The following ZNF862 variants were observed in gnomAD, a reference collection of about 807,000 sequenced individuals.
ZNF862 encodes the protein zinc finger protein 862.
A neutral mutation model predicts 91.1 loss-of-function variants in ZNF862; 64 were observed. The ratio of observed to expected loss-of-function variants is 0.70; its 90% confidence interval spans 0.57 to 0.87. ZNF862 has a LOEUF of 0.87. ZNF862 is among the 40% of genes least tolerant of loss of function. The probability of loss-of-function intolerance (pLI) is 0.00; values close to 1 mark genes in which losing one functional copy is unlikely to be tolerated. For synonymous variants in ZNF862, 631 were observed against 618.1 expected (o/e 1.02, Z -0.31); for missense variants, 1,459 against 1,528.0 (o/e 0.95, Z 0.75).
In ZNF862 at chr7:149,850,472, G is replaced by C; in HGVS notation, c.1117+134G>C. 1.1e-6 allele frequency: 1 copy of C among 908,798 alleles called. No homozygotes were observed. Among genetic ancestry groups the C allele is most frequent in the East Asian group, 2.7e-5 (1 of 37,260 alleles). The allele number at this position is 908,798 out of a possible 1,614,324, so 56.3% of individuals were successfully genotyped here. A position where few individuals can be genotyped will look rare whatever the true frequency, so the allele number is the denominator to read the frequency against. On this transcript the variant is annotated intron_variant, in intron 5 of 7. Transcript: ENST00000223210. The surrounding 1 kb of genome is among the most constrained non-coding windows in gnomAD (Gnocchi z 4.2). ...TAGGCAGAGACCGATCCTGTCTTTT[G>C]CACCTCATAACTCCCCTGCTTGGGG... is the stretch of plus-strand genomic sequence containing the variant.
intron 5 of ZNF862, chr7:149,858,536 C>T (rs926966569): frequency 5.3e-5 from 8 of 152,208 alleles, no homozygotes; most frequent in African/African-American, 1.9e-4. Context: ...CTTTGTCCTT[C>T]ACTTCCTCCC....
Position 149,861,152 on chromosome 7 carries a change from T to G in ZNF862, c.1992T>G (p.Ser664Arg). The change falls in exon 7 of 8, where the codon AGT (serine) becomes AGG (arginine). Residue 664 changes from serine to arginine, a missense_variant. By Grantham distance (110) the Ser-to-Arg change is moderately radical. Coordinates refer to ENST00000223210, the MANE Select transcript of ZNF862 (RefSeq NM_001099220.3). This position sits in a 1 kb window ranked among gnomAD's most constrained non-coding sequence, Gnocchi z 6.7. ...ACATCACTCTGGCCCCTCTCTACAGTGAGACAGCAGATGGGTACTTCGAGA... is the reference window on the plus strand; with the variant it reads ...ACATCACTCTGGCCCCTCTCTACAGGGAGACAGCAGATGGGTACTTCGAGA... ...ESYITLAPLY[S>R]ETADGYFETI... The G allele has an allele frequency of 6.2e-7, 1 of 1,612,998 alleles. No individual in the cohort carries two copies. Among genetic ancestry groups the G allele is most frequent in the Non-Finnish European group, 8.5e-7 (1 of 1,179,848 alleles).
At chr7:149,840,268 T>C (rs1218977427) in intron 1 of ZNF862, among the ~76,000 whole-genome samples, 1 of 151,088 alleles carries the variant, frequency 6.6e-6, no homozygotes, top group Non-Finnish European at 1.5e-5. Flanking sequence ...AAAAATACTT[T>C]TTGTTGATGG....
At position 149,864,488 on chromosome 7, in the gene ZNF862, TCA is replaced by T. The variant is rs1229107637; in HGVS notation, c.*207_*208del. ...AGGCCCCACTCAGCACAGCCATGCCTCACAGCACACAAATGTGCCAGAAGGTT... is the reference window on the plus strand; with the variant it reads ...AGGCCCCACTCAGCACAGCCATGCCTCAGCACACAAATGTGCCAGAAGGTT... On this transcript the variant is annotated 3_prime_UTR_variant, in exon 8 of 8. Coordinates refer to ENST00000223210, the MANE Select transcript of ZNF862 (RefSeq NM_001099220.3). The T allele has an allele frequency of 1.8e-6, 1 of 566,426 alleles. No homozygotes were observed. Among genetic ancestry groups the T allele is most frequent in the Non-Finnish European group, 3.1e-6 (1 of 319,928 alleles). The allele number at this position is 566,426 out of a possible 1,614,324, so 35.1% of individuals were successfully genotyped here.
rs969831181 is a variant in ZNF862 at position 149,850,984 on chromosome 7, G to A, written c.1117+646G>A. 2 of 152,448 alleles carry A rather than the reference G, an allele frequency of 1.3e-5. No homozygotes were observed. The highest frequency in any genetic ancestry group is 4.8e-5 in the African/African-American group (2 of 41,464). The allele number at this position is 152,448 out of a possible 1,614,324, so 9.4% of individuals were successfully genotyped here. A position where few individuals can be genotyped will look rare whatever the true frequency, so the allele number is the denominator to read the frequency against. On this transcript the variant is annotated intron_variant, in intron 5 of 7. Transcript: ENST00000223210. The surrounding 1 kb of genome is among the most constrained non-coding windows in gnomAD (Gnocchi z 4.2). Reference sequence around the variant, plus strand: ...TTTGGACCTTGGCAGATTAGGAAGAGGGCAGTGCTTCTTGCTCCTCAGGAT... The same window carrying A: ...TTTGGACCTTGGCAGATTAGGAAGAAGGCAGTGCTTCTTGCTCCTCAGGAT...
At chr7:149,840,826 G>T (rs188440445) in intron 1 of ZNF862, 11 of 506,560 alleles carry the variant, frequency 2.2e-5, no homozygotes, top group African/African-American at 1.9e-4. Context: ...ATGTAGTTTT[G>T]TATAAGTACA....
At chr7:149,853,931 C>G (rs1397614402) in intron 5 of ZNF862, among the ~76,000 whole-genome samples, 1 of 143,052 alleles carries the variant, frequency 7.0e-6, no homozygotes, top group Non-Finnish European at 1.5e-5. Context: ...GAGCCAGACT[C>G]CATCTCAAAA....
At chr7:149,854,227 A>G in intron 5 of ZNF862, among the ~76,000 whole-genome samples, 1 of 152,096 alleles carries the variant, frequency 6.6e-6, no homozygotes, top group East Asian at 1.9e-4. Flanking sequence ...CACTCAAATA[A>G]CATGAAATCT....
rs1802220040 is a variant in ZNF862, at chr7:149,855,279, G to T, written c.1118-4143G>T. 1.3e-5 allele frequency among the ~76,000 whole-genome samples: 2 copies of T among 152,142 alleles called. No homozygotes were observed. Among genetic ancestry groups the T allele is most frequent in the African/African-American group, 4.8e-5 (2 of 41,404 alleles). On this transcript the variant is annotated intron_variant, in intron 5 of 7. Transcript: ENST00000223210. The surrounding 1 kb of genome is among the most constrained non-coding windows in gnomAD (Gnocchi z 4.1). ...TCTGTAAATTTGAAATTATATCAGA[G>T]ATTTACCAAAAGGAAAATGTAGGAA... is the stretch of plus-strand genomic sequence containing the variant.
rs1328422734 is a variant in ZNF862, at chr7:149,855,659, G to A, written c.1118-3763G>A. On this transcript the variant is annotated intron_variant, in intron 5 of 7. Transcript: ENST00000223210. This position sits in a 1 kb window ranked among gnomAD's most constrained non-coding sequence, Gnocchi z 4.1. ...CTCGCTTGCAGTTGCCTGGACATGG[G>A]TGAATGTCTGCCCTGGCAGCCTGTC... Among the ~76,000 whole-genome samples, 2 of 152,190 alleles carry A rather than the reference G, an allele frequency of 1.3e-5. No homozygotes were observed. The highest frequency in any genetic ancestry group is 2.9e-5 in the Non-Finnish European group (2 of 68,026).
rs1802513792 is a variant in ZNF862 at position 149,861,777 on chromosome 7, G to A, written c.2617G>A (p.Gly873Ser). The change falls in exon 7 of 8, where the codon GGC becomes AGC. Residue 873 changes from glycine (G) to serine (S), a missense_variant. Coordinates refer to ENST00000223210, the MANE Select transcript of ZNF862 (RefSeq NM_001099220.3). The surrounding 1 kb of genome is among the most constrained non-coding windows in gnomAD (Gnocchi z 6.7). ...GATTACAGAGGTGAACGCCACGCTG[G>A]GCCGCGCCTACGTGGCACTGGAGAG... ...VLITEVNATL[G>S]RAYVALESLR... The A allele has an allele frequency of 1.2e-6, 2 of 1,613,502 alleles. No individual in the cohort carries two copies. The highest frequency in any genetic ancestry group is 1.7e-5 in the Admixed American group (1 of 59,992).
At chr7:149,859,547 T>C in intron 6 of ZNF862, 21 bp downstream of exon 6, 1 of 1,539,136 alleles carries the variant, frequency 6.5e-7, no homozygotes, top group Non-Finnish European at 8.8e-7. Flanking sequence ...ACCTACAGCA[T>C]TCTGAAGGAC....
Position 149,838,829 on chromosome 7 carries a change from C to T in ZNF862, c.24+194C>T, listed in dbSNP as rs370911664. Among the ~76,000 whole-genome samples the T allele has an allele frequency of 6.6e-5, 10 of 152,386 alleles. No individual in the cohort carries two copies. In the East Asian group the frequency reaches 1.5e-3, roughly 24 times the overall value. The stretch of plus-strand genomic sequence containing the variant: ...GGTGGCGGAGAGGAGCGGACGCTTC[C>T]GTTCGGTGTCCGCGCATCCTCCCCG... On this transcript the variant is annotated intron_variant, in intron 1 of 7. Coordinates refer to ENST00000223210, the MANE Select transcript of ZNF862 (RefSeq NM_001099220.3).
chr7:149,862,960 G>A (rs1802572984), intron 7 of ZNF862, among the ~76,000 whole-genome samples: 1 of 152,216 alleles, frequency 6.6e-6, no homozygotes, highest in Non-Finnish European at 1.5e-5. Context: ...CATTCTAAGT[G>A]GGGCTGTATA....
Position 149,866,251 on chromosome 7 carries a change from G to T in ZNF862, c.*1967G>T, listed in dbSNP as rs1802718363. The T allele has an allele frequency of 6.6e-6, 1 of 152,202 alleles. No individual in the cohort carries two copies. 9.4% of individuals were successfully genotyped at this position (152,202 alleles called of 1,614,324 possible). On this transcript the variant is annotated 3_prime_UTR_variant, in exon 8 of 8. Coordinates refer to ENST00000223210, the MANE Select transcript of ZNF862 (RefSeq NM_001099220.3). Reference sequence around the variant, plus strand: ...GGCCTGTGGTGCGGGAGCTCTGGGAGGTGTTACTATCTGCGTGGCTAAGGC... The same window carrying T: ...GGCCTGTGGTGCGGGAGCTCTGGGATGTGTTACTATCTGCGTGGCTAAGGC...
intron 1 of ZNF862, among the ~76,000 whole-genome samples, chr7:149,843,991 C>T (rs1346115063): frequency 6.6e-6 from 1 of 152,062 alleles, no homozygotes; most frequent in East Asian, 1.9e-4. Context: ...TTGTTGCGCC[C>T]CCTATTATAG....
At chr7:149,841,477 T>A (rs1801702245) in intron 1 of ZNF862, 1 of 980,602 alleles carries the variant, frequency 1.0e-6, no homozygotes, top group Non-Finnish European at 1.2e-6. Context: ...GTTCATTTAT[T>A]TATTTACGTA....
chr7:149,855,355 A>G lies in ZNF862; in HGVS notation c.1118-4067A>G, dbSNP rs1802223410. ...GTAGAAAATCTGGACTTCATTTAACACTCAATTCTTGCCTTTCCCTCCTCA... is the reference window on the plus strand; with the variant it reads ...GTAGAAAATCTGGACTTCATTTAACGCTCAATTCTTGCCTTTCCCTCCTCA... On this transcript the variant is annotated intron_variant, in intron 5 of 7. Coordinates refer to ENST00000223210, the MANE Select transcript of ZNF862 (RefSeq NM_001099220.3). The surrounding 1 kb of genome is among the most constrained non-coding windows in gnomAD (Gnocchi z 4.1). 6.6e-6 allele frequency among the ~76,000 whole-genome samples: 1 copy of G among 152,124 alleles called. No homozygotes were observed. The highest frequency in any genetic ancestry group is 1.5e-5 in the Non-Finnish European group (1 of 68,014).
chr7:149,860,954 G>A lies in ZNF862; in HGVS notation c.1794G>A (p.Ala598=), dbSNP rs769228199. 2.9e-5 allele frequency: 47 copies of A among 1,613,514 alleles called. No homozygotes were observed. Among genetic ancestry groups the A allele is most frequent in the East Asian group, 8.9e-5 (4 of 44,890 alleles). The change falls in exon 7 of 8, where the codon GCG becomes GCA. Residue 598 remains alanine, a synonymous_variant. Coordinates refer to ENST00000223210, the MANE Select transcript of ZNF862 (RefSeq NM_001099220.3). ...TAGGCAAGTACCGCAATCGCACGGC[G>A]TGCACTCAGTTCATCAAGTACATCT... ...VILGKYRNRT[A]CTQFIKYISE...
Sources: allele counts gnomAD v4.1 joint callset (sites outside exome capture counted in the v4.1 genomes callset), GRCh38; gene constraint gnomAD v4.1.1; non-coding constraint Gnocchi (gnomAD v3.1); transcripts MANE v1.5; gene names NCBI Gene and HGNC (gene_info 2026-07-23, HGNC 2026-07-21).